Variants in RAPGEF2 observed in about 807,000 individuals in gnomAD.
RAPGEF2 encodes the protein PDZ domain containing guanine nucleotide exchange factor (GEF) 1.
Under a neutral mutation model 186.7 loss-of-function variants are expected in RAPGEF2, and 54 were observed. The observed-to-expected ratio is 0.29, with a 90% CI of 0.23 to 0.36. The LOEUF is 0.36. Ranked by LOEUF, RAPGEF2 falls within the 10% of genes least tolerant of loss-of-function variation. The pLI is 1.00. For synonymous variants in RAPGEF2, 712 were observed against 705.9 expected (o/e 1.01, Z -0.14); for missense variants, 1,532 against 2,045.0 (o/e 0.75, Z 4.84).
intron 1 of RAPGEF2, among the ~76,000 whole-genome samples, chr4:159,156,551 G>A (rs1365795170): frequency 6.6e-6 from 1 of 151,886 alleles, no homozygotes; most frequent in African/African-American, 2.4e-5. Context: ...TGATACATAG[G>A]TATACATGTG....
At chr4:159,115,020 A>G (rs981062172) in intron 1 of RAPGEF2, among the ~76,000 whole-genome samples, 1 of 152,190 alleles carries the variant, frequency 6.6e-6, no homozygotes, top group African/African-American at 2.4e-5. Flanking sequence ...GAATTTTAAA[A>G]ATCAAATTAA....
intron 1 of RAPGEF2, among the ~76,000 whole-genome samples, chr4:159,149,760 A>G (rs1743332978): frequency 6.6e-6 from 1 of 152,214 alleles, no homozygotes; most frequent in African/African-American, 2.4e-5. Flanking sequence ...GAGACTGTCC[A>G]GTCTGGTAAG....
chr4:159,302,345 T>TC (rs1554031544), intron 7 of RAPGEF2, among the ~76,000 whole-genome samples: 2 of 151,938 alleles, frequency 1.3e-5, no homozygotes, highest in Non-Finnish European at 2.9e-5. Flanking sequence ...TTAATTTTTT[T>TC]AAAAAATCAC....
intron 29 of RAPGEF2, among the ~76,000 whole-genome samples, chr4:159,356,494 G>A (rs1732030154): frequency 1.3e-5 from 2 of 152,076 alleles, no homozygotes; most frequent in African/African-American, 4.8e-5. Context: ...TCCCTAAATG[G>A]CTTAAAAAAT....
intron 1 of RAPGEF2, among the ~76,000 whole-genome samples, chr4:159,130,969 T>A (rs1192397070): frequency 6.6e-6 from 1 of 152,172 alleles, no homozygotes; most frequent in Non-Finnish European, 1.5e-5. Context: ...AGTGCTGGGA[T>A]TACAGGCGCA....
At chr4:159,263,802 G>C (rs1411283813) in intron 7 of RAPGEF2, among the ~76,000 whole-genome samples, 2 of 151,970 alleles carry the variant, frequency 1.3e-5, no homozygotes, top group Non-Finnish European at 2.9e-5. Context: ...ATAGTAATTA[G>C]AAAGTGAATA....
chr4:159,208,305 C>G (rs1750174165), intron 3 of RAPGEF2, among the ~76,000 whole-genome samples: 1 of 152,192 alleles, frequency 6.6e-6, no homozygotes, highest in Non-Finnish European at 1.5e-5. Flanking sequence ...AGAAACCAAA[C>G]AAAACAAGGA....
chr4:159,225,536 T>C (rs924430715), intron 4 of RAPGEF2, among the ~76,000 whole-genome samples: 2 of 152,218 alleles, frequency 1.3e-5, no homozygotes, highest in Admixed American at 1.3e-4. Context: ...GGTAAATGTA[T>C]GTTTAACTGT....
At chr4:159,108,980 A>G (rs1738202240) in intron 1 of RAPGEF2, among the ~76,000 whole-genome samples, 2 of 152,088 alleles carry the variant, frequency 1.3e-5, no homozygotes, top group South Asian at 4.1e-4. Flanking sequence ...CAGCCTCCCA[A>G]AGTGCTGGGA....
At chr4:159,334,301 G>A (rs910528143) in intron 17 of RAPGEF2, among the ~76,000 whole-genome samples, 2 of 152,256 alleles carry the variant, frequency 1.3e-5, no homozygotes, top group Middle Eastern at 3.4e-3. Context: ...CCAGGCTGGA[G>A]TGCAATTGCT....
chr4:159,297,409 A>G (rs1263967279), intron 7 of RAPGEF2, among the ~76,000 whole-genome samples: 1 of 152,222 alleles, frequency 6.6e-6, no homozygotes, highest in Non-Finnish European at 1.5e-5. Context: ...GCAGTCAAAT[A>G]TAATAAGGCA....
At chr4:159,284,481 GACAC>G (rs36232973) in intron 7 of RAPGEF2, among the ~76,000 whole-genome samples, 4,627 of 140,252 alleles carry the variant, frequency 0.033, 100 homozygotes, top group East Asian at 0.086. Context: ...CCGCCATGGA[GACAC>G]ACACACACAC....
At chr4:159,125,758 GAA>G (rs11310531) in intron 1 of RAPGEF2, among the ~76,000 whole-genome samples, 171 of 141,910 alleles carry the variant, frequency 1.2e-3, no homozygotes, top group East Asian at 3.8e-3. Flanking sequence ...AATCTGTCTC[GAA>G]AAAAAAAAAA....
chr4:159,143,735 GT>G (rs944939118), intron 1 of RAPGEF2, among the ~76,000 whole-genome samples: 11 of 152,128 alleles, frequency 7.2e-5, no homozygotes, highest in Non-Finnish European at 1.5e-5. Context: ...TGTTTCTGGC[GT>G]TTTTTGAATG....
chr4:159,253,559 A>G (rs1398851618), intron 7 of RAPGEF2, among the ~76,000 whole-genome samples: 1 of 152,070 alleles, frequency 6.6e-6, no homozygotes, highest in Non-Finnish European at 1.5e-5. Context: ...AATTATTATC[A>G]TCTGTTTTTC....
At chr4:159,292,411 G>A (rs1374009272) in intron 7 of RAPGEF2, among the ~76,000 whole-genome samples, 4 of 152,104 alleles carry the variant, frequency 2.6e-5, no homozygotes, top group Non-Finnish European at 5.9e-5. Flanking sequence ...TGTTACCTAA[G>A]CAGGGAAACC....
chr4:159,247,193 T>C (rs1401664942), intron 7 of RAPGEF2, among the ~76,000 whole-genome samples: 1 of 152,188 alleles, frequency 6.6e-6, no homozygotes, highest in Non-Finnish European at 1.5e-5. Context: ...AATATTTTCA[T>C]TTATATATTT....
At chr4:159,256,371 C>T (rs947345365) in intron 7 of RAPGEF2, among the ~76,000 whole-genome samples, 1 of 152,206 alleles carries the variant, frequency 6.6e-6, no homozygotes, top group Non-Finnish European at 1.5e-5. Context: ...CTGCAAAGGA[C>T]ATGATCTTGT....
intron 1 of RAPGEF2, among the ~76,000 whole-genome samples, chr4:159,174,854 T>G (rs987773823): frequency 1.3e-5 from 2 of 151,774 alleles, no homozygotes; most frequent in African/African-American, 2.4e-5. Context: ...CTTCCCGGGC[T>G]CAAGTGATTC....
Sources: gnomAD v4.1 joint callset for allele counts (sites outside exome capture counted in the v4.1 genomes callset) on GRCh38, gnomAD v4.1.1 for gene constraint, MANE v1.5 for transcripts, NCBI Gene and HGNC (gene_info 2026-07-23, HGNC 2026-07-21) for gene names.